The following FMO1 variants were observed in gnomAD, a reference collection of about 807,000 sequenced individuals.
FMO1 encodes the protein flavin containing dimethylaniline monoxygenase 1.
A neutral mutation model predicts 45.4 loss-of-function variants in FMO1; 36 were observed. The observed-to-expected ratio is 0.79, with a 90% CI of 0.61 to 1.05. The LOEUF is 1.05. Among genes scored for constraint, FMO1 ranks in the 50% least tolerant of loss-of-function variants. The probability of loss-of-function intolerance (pLI) is 0.00; values close to 1 mark genes in which losing one functional copy is unlikely to be tolerated. For missense variants in FMO1, 615 were observed against 640.3 expected (o/e 0.96, Z 0.43); for synonymous variants, 228 against 227.2 (o/e 1.00, Z -0.03).
chr1:171,249,846 A>G (rs1659804356), intron 1 of FMO1, among the ~76,000 whole-genome samples: 1 of 152,162 alleles, frequency 6.6e-6, no homozygotes. Context: ...GAAACAGTTA[A>G]ACATTGGCTA....
chr1:171,248,772 C>T (rs1659743536), intron 1 of FMO1, 149 bp downstream of exon 1: 1 of 151,872 alleles, frequency 6.6e-6, no homozygotes, highest in South Asian at 2.1e-4. Context: ...AAAGCTACTC[C>T]TTGGCCCAAA....
At position 171,277,031 on chromosome 1, in the gene FMO1, G is replaced by C. The variant is rs567945744; in HGVS notation, c.484+1523G>C. ...GTACACATCACAAATCAAGCAAGAA[G>C]AGCTCTACAAGGCTTGCAGTCTTTC... is the stretch of plus-strand genomic sequence containing the variant. On this transcript the variant is annotated intron_variant, in intron 4 of 8. Transcript: ENST00000617670. Among the ~76,000 whole-genome samples the C allele has an allele frequency of 6.6e-5, 10 of 152,224 alleles. No individual in the cohort carries two copies. The South Asian group carries it at 2.1e-3, about 32-fold the overall frequency.
At chr1:171,272,437 G>T (rs144757998) in intron 3 of FMO1, among the ~76,000 whole-genome samples, 1 of 152,186 alleles carries the variant, frequency 6.6e-6, no homozygotes, top group Non-Finnish European at 1.5e-5. Flanking sequence ...TGTGAGAAGA[G>T]GGCCACCATC....
chr1:171,251,331 G>A (rs1380769295), intron 1 of FMO1, among the ~76,000 whole-genome samples: 1 of 151,926 alleles, frequency 6.6e-6, no homozygotes, highest in African/African-American at 2.4e-5. Context: ...GACTGGCAGG[G>A]CAGAATATCT....
At position 171,275,617 on chromosome 1, in the gene FMO1, G is replaced by A. The variant is rs1300050292; in HGVS notation, c.484+109G>A. The A allele has an allele frequency of 6.4e-6, 5 of 785,956 alleles. No homozygotes were observed. The East Asian group carries it at 1.4e-4, about 22-fold the overall frequency. 48.7% of individuals were successfully genotyped at this position (785,956 alleles called of 1,614,324 possible). A position where few individuals can be genotyped will look rare whatever the true frequency, so the allele number is the denominator to read the frequency against. ...GCTGTTCCATTAAATAGTTAAAGTT[G>A]GGAGGTAGGAGGAGGCTTTTTTTGT... On this transcript the variant is annotated intron_variant, in intron 4 of 8. Transcript: ENST00000617670.
intron 2 of FMO1, among the ~76,000 whole-genome samples, chr1:171,263,904 C>G (rs1472947940): frequency 6.6e-6 from 1 of 152,086 alleles, no homozygotes; most frequent in Non-Finnish European, 1.5e-5. Flanking sequence ...CCACCAATAC[C>G]ATTCAGAAGG....
chr1:171,279,542 G>A (rs950753211), intron 5 of FMO1, among the ~76,000 whole-genome samples: 7 of 152,076 alleles, frequency 4.6e-5, no homozygotes, highest in Admixed American at 6.5e-5. Flanking sequence ...CAAAGCCTAC[G>A]TTCCTAACTA....
chr1:171,267,744 A>C lies in FMO1; in HGVS notation c.321+13A>C. On this transcript the variant is annotated intron_variant, in intron 3 of 8. Transcript: ENST00000617670. Reference sequence around the variant, plus strand: ...CATTCAATTCAAGGTAAGACACAAAACATCAGTTAGTAGTCAGAAAGTATT... The same window carrying C: ...CATTCAATTCAAGGTAAGACACAAACCATCAGTTAGTAGTCAGAAAGTATT... 3.1e-6 allele frequency: 5 copies of C among 1,592,308 alleles called. No individual in the cohort carries two copies. The highest frequency in any genetic ancestry group is 4.3e-6 in the Non-Finnish European group (5 of 1,165,994).
At chr1:171,254,948 C>G (rs10798294) in intron 1 of FMO1, among the ~76,000 whole-genome samples, 62,161 of 152,104 alleles carry the variant, frequency 0.41, 15,260 homozygotes, top group African/African-American at 0.69. Context: ...TTTCACGTCT[C>G]ACTTCCCTAC....
intron 1 of FMO1, chr1:171,253,898 T>TCATCCA (rs1385354998): frequency 1.3e-4 from 20 of 152,166 alleles, no homozygotes; most frequent in Non-Finnish European, 2.4e-4. Context: ...CAAAAAGTTG[T>TCATCCA]GTATTTTTTA....
chr1:171,253,630 G>A (rs12406734), intron 1 of FMO1, among the ~76,000 whole-genome samples: 2,044 of 152,218 alleles, frequency 0.013, 140 homozygotes, highest in Admixed American at 0.1. Context: ...ACGTGGTGGT[G>A]TGCACTTGTA....
intron 8 of FMO1, among the ~76,000 whole-genome samples, chr1:171,284,186 A>C (rs1374066692): frequency 2.2e-5 from 2 of 90,732 alleles, no homozygotes; most frequent in Non-Finnish European, 4.0e-5. Flanking sequence ...AAAAAAAAAA[A>C]ACAAAAAACA....
At position 171,280,911 on chromosome 1, in the gene FMO1, T is replaced by C. The variant is rs1166902699; in HGVS notation, c.753T>C (p.Ile251=). 3.7e-6 allele frequency: 6 copies of C among 1,613,924 alleles called. No homozygotes were observed. In the South Asian group the frequency reaches 4.4e-5, roughly 12 times the overall value. The stretch of plus-strand genomic sequence containing the variant: ...TGAGAAATTCCCTCCCAACCCCAAT[T>C]GTGACTTGGTTGATGGAGCGAAAGA... ...NMLRNSLPTP[I]VTWLMERKIN... Residue 251 remains isoleucine (I), a synonymous_variant, in exon 6 of 9, where the codon ATT becomes ATC. Transcript: ENST00000617670.
chr1:171,281,061 C>A, intron 6 of FMO1, 76 bp downstream of exon 6: 1 of 1,166,722 alleles, frequency 8.6e-7, no homozygotes, highest in Non-Finnish European at 1.3e-6. Flanking sequence ...ACAAGCCAGG[C>A]AGTACCACAG....
intron 2 of FMO1, among the ~76,000 whole-genome samples, chr1:171,258,651 C>T (rs1297394621): frequency 6.6e-6 from 1 of 152,218 alleles, no homozygotes; most frequent in Non-Finnish European, 1.5e-5. Context: ...CTGGCTCCGT[C>T]TGCATTACAG....
At chr1:171,253,085 G>T (rs1245857286) in intron 1 of FMO1, among the ~76,000 whole-genome samples, 1 of 152,098 alleles carries the variant, frequency 6.6e-6, no homozygotes, top group African/African-American at 2.4e-5. Flanking sequence ...ACACCAAGCA[G>T]ATCTGAACTG....
intron 3 of FMO1, among the ~76,000 whole-genome samples, chr1:171,269,212 A>G (rs1483077983): frequency 1.3e-5 from 2 of 152,176 alleles, no homozygotes; most frequent in Admixed American, 1.3e-4. Flanking sequence ...AAAAGATATC[A>G]AAAAATGTAG....
At chr1:171,264,335 TAC>T (rs199581410) in intron 2 of FMO1, among the ~76,000 whole-genome samples, 1,773 of 147,882 alleles carry the variant, frequency 0.012, 20 homozygotes, top group African/African-American at 0.028. Flanking sequence ...TATATATATA[TAC>T]ACACACACAC....
chr1:171,270,191 A>C (rs779194985), intron 3 of FMO1, among the ~76,000 whole-genome samples: 8 of 152,208 alleles, frequency 5.3e-5, no homozygotes, highest in Non-Finnish European at 1.0e-4. Flanking sequence ...ACTAATTTCA[A>C]AATGTTGGAT....
Sources: allele counts gnomAD v4.1 joint callset (sites outside exome capture counted in the v4.1 genomes callset), GRCh38; gene constraint gnomAD v4.1.1; transcripts MANE v1.5; gene names NCBI Gene and HGNC (gene_info 2026-07-23, HGNC 2026-07-21).